The following FLNC variants were observed in gnomAD, a reference collection of about 807,000 sequenced individuals.
The protein encoded by FLNC is filamin C.
A neutral mutation model predicts 254.3 loss-of-function variants in FLNC; 91 were observed. That is an observed-to-expected ratio of 0.36 (90% CI 0.30 to 0.43). The LOEUF (loss-of-function observed/expected upper bound fraction) is 0.43. Ranked by LOEUF, FLNC falls within the 20% of genes least tolerant of loss-of-function variation. FLNC has a pLI of 1.00. For synonymous variants in FLNC, 1,430 were observed against 1,577.2 expected, an observed-to-expected ratio of 0.91 and a Z score of 2.21; for missense variants, 2,853 against 3,802.6, an observed-to-expected ratio of 0.75 and a Z score of 6.57.
chr7:128,857,024 G>A lies in FLNC; in HGVS notation c.7562-94G>A, dbSNP rs1809092740. On this transcript the variant is annotated intron_variant, in intron 45 of 47. Transcript: ENST00000325888. The surrounding 1 kb of genome is among the most constrained non-coding windows in gnomAD (Gnocchi z 4.5). ...GTAGGGGCCCTGCTTCCTAAGCCAG[G>A]AGTCCCCACAGAGGCTGTCCAGGGA... is the stretch of plus-strand genomic sequence containing the variant. The A allele has an allele frequency of 6.4e-7, 1 of 1,570,544 alleles. No individual in the cohort carries two copies. The highest frequency in any genetic ancestry group is 8.8e-7 in the Non-Finnish European group (1 of 1,142,856).
At chr7:128,846,664 C>A in intron 23 of FLNC, 81 bp from the exon 24 acceptor site, 1 of 1,470,022 alleles carries the variant, frequency 6.8e-7, no homozygotes, top group Non-Finnish European at 9.3e-7. Flanking sequence ...TGCCCTCTTT[C>A]CTCCCTGTCC....
rs1303451519 is a variant in FLNC at position 128,836,928 on chromosome 7, C to T, written c.602-232C>T. Reference sequence around the variant, plus strand: ...GGCCAGCAGGGCTGGTGCCAGGCTGCGTCAGCCAGGGCAGAAAGGCTTCAT... The same window carrying T: ...GGCCAGCAGGGCTGGTGCCAGGCTGTGTCAGCCAGGGCAGAAAGGCTTCAT... On this transcript the variant is annotated intron_variant, in intron 2 of 47. Transcript: ENST00000325888. The surrounding 1 kb of genome is among the most constrained non-coding windows in gnomAD (Gnocchi z 6.0). Among the ~76,000 whole-genome samples the T allele has an allele frequency of 2.0e-5, 3 of 152,280 alleles. No homozygotes were observed. Among genetic ancestry groups the T allele is most frequent in the East Asian group, 1.9e-4 (1 of 5,172 alleles).
Position 128,832,323 on chromosome 7 carries a change from G to C in FLNC, c.352+1334G>C, listed in dbSNP as rs537371027. On this transcript the variant is annotated intron_variant, in intron 1 of 47. Coordinates refer to ENST00000325888, the MANE Select transcript of FLNC (RefSeq NM_001458.5). ...AAGGACAAGGCTGAGGGCAGGGGGT[G>C]GGGGAGGGAGCCTGGAGTGTGTAGT... Among the ~76,000 whole-genome samples, 16 of 152,320 alleles carry C rather than the reference G, an allele frequency of 1.1e-4. No homozygotes were observed. The South Asian group carries it at 3.1e-3, about 30-fold the overall frequency.
chr7:128,840,915 G>A lies in FLNC; in HGVS notation c.1758G>A (p.Val586=), dbSNP rs1344721258. ...GTCCTGGTTTGGAGACTGGCCAGGTGGGCAAGTCAGCCGATTTTGTGGTGG... is the reference window on the plus strand; with the variant it reads ...GTCCTGGTTTGGAGACTGGCCAGGTAGGCAAGTCAGCCGATTTTGTGGTGG... ...AWGPGLETGQ[V]GKSADFVVEA... The change falls in exon 11 of 48, where the codon GTG becomes GTA. Residue 586 remains valine (V), a synonymous_variant. Coordinates refer to ENST00000325888, the MANE Select transcript of FLNC (RefSeq NM_001458.5). 7.4e-6 allele frequency: 12 copies of A among 1,611,784 alleles called. No homozygotes were observed. Among genetic ancestry groups the A allele is most frequent in the Non-Finnish European group, 1.0e-5 (12 of 1,179,056 alleles).
At position 128,854,924 on chromosome 7, in the gene FLNC, C is replaced by T. The variant is rs898922327; in HGVS notation, c.7135+12C>T. 3 of 1,613,624 alleles carry T rather than the reference C, an allele frequency of 1.9e-6. No individual in the cohort carries two copies. The highest frequency in any genetic ancestry group is 2.7e-5 in the African/African-American group (2 of 74,922). On this transcript the variant is annotated intron_variant, in intron 42 of 47. Transcript: ENST00000325888. The stretch of plus-strand genomic sequence containing the variant: ...CGTCCAGGAACCAGGTGGGCGTCCA[C>T]ACTGGCAGTGGGGCTGGGCCTGCCT...
At position 128,856,676 on chromosome 7, in the gene FLNC, T is replaced by C; in HGVS notation, c.7384+26T>C. On this transcript the variant is annotated intron_variant, in intron 44 of 47. Transcript: ENST00000325888. This position sits in a 1 kb window ranked among gnomAD's most constrained non-coding sequence, Gnocchi z 5.9. ...GTGAGCTGGCCCTGCCCCTGCCAACTCCCTTCCGGGCTGGGGCCTTCTGGG... is the reference window on the plus strand; with the variant it reads ...GTGAGCTGGCCCTGCCCCTGCCAACCCCCTTCCGGGCTGGGGCCTTCTGGG... 6.2e-7 allele frequency: 1 copy of C among 1,613,636 alleles called. No homozygotes were observed. The highest frequency in any genetic ancestry group is 2.2e-5 in the East Asian group (1 of 44,872).
intron 35 of FLNC, 143 bp from the exon 36 acceptor site, chr7:128,852,448 C>T (rs1296596449): frequency 9.9e-6 from 9 of 908,162 alleles, no homozygotes; most frequent in African/African-American, 3.3e-5. Flanking sequence ...CTGCACTTTC[C>T]AGGCCTTGGG....
At position 128,830,938 on chromosome 7, in the gene FLNC, T is replaced by A; in HGVS notation, c.301T>A (p.Ser101Thr). ...CCGCCAAATGAAGCTGGAGAACGTGTCCGTGGCCCTCGAGTTCCTCGAGCG... is the reference window on the plus strand; with the variant it reads ...CCGCCAAATGAAGCTGGAGAACGTGACCGTGGCCCTCGAGTTCCTCGAGCG... ...NFRQMKLENVSVALEFLEREH... is the reference protein window; with the variant it reads ...NFRQMKLENVTVALEFLEREH... The change falls in exon 1 of 48, where the codon TCC becomes ACC. Residue 101 changes from serine (S) to threonine (T), a missense_variant. By Grantham distance (58) the Ser-to-Thr change is moderately conservative. Transcript: ENST00000325888. 6.2e-7 allele frequency: 1 copy of A among 1,612,238 alleles called. No homozygotes were observed. The highest frequency in any genetic ancestry group is 8.5e-7 in the Non-Finnish European group (1 of 1,179,952).
chr7:128,842,756 G>A lies in FLNC; in HGVS notation c.2390-38G>A. The A allele has an allele frequency of 6.2e-7, 1 of 1,608,808 alleles. No homozygotes were observed. Among genetic ancestry groups the A allele is most frequent in the Non-Finnish European group, 8.5e-7 (1 of 1,178,090 alleles). On this transcript the variant is annotated intron_variant, in intron 15 of 47. Transcript: ENST00000325888. The surrounding 1 kb of genome is among the most constrained non-coding windows in gnomAD (Gnocchi z 5.4). ...GGGGCGGGGGTGAGTCGAGTCGGGG[G>A]CTGAGCCCAACTCACAGCAGTGCCC...
At position 128,854,239 on chromosome 7, in the gene FLNC, GCCGGGT is replaced by G. The variant is rs772324330; in HGVS notation, c.6727+26_6727+31del. 4.4e-5 allele frequency: 71 copies of G among 1,604,988 alleles called. 1 individual carries two copies. The South Asian group carries it at 7.7e-4, about 17-fold the overall frequency. Reference sequence around the variant, plus strand: ...AGGGTGAGCACCGCACACTGGGCCGGCCGGGTCCTCACGGCGGGATGGGAGGGTGCT... The same window carrying G: ...AGGGTGAGCACCGCACACTGGGCCGGCCTCACGGCGGGATGGGAGGGTGCT... On this transcript the variant is annotated intron_variant, in intron 40 of 47. Coordinates refer to ENST00000325888, the MANE Select transcript of FLNC (RefSeq NM_001458.5).
chr7:128,837,814 G>C, intron 5 of FLNC, 59 bp downstream of exon 5: 1 of 1,484,376 alleles, frequency 6.7e-7, no homozygotes, highest in Non-Finnish European at 9.2e-7. Flanking sequence ...AGAGAGCGTG[G>C]GGCCAACAAC....
At position 128,848,912 on chromosome 7, in the gene FLNC, T is replaced by C. The variant is rs1169437113; in HGVS notation, c.4857T>C (p.Asp1619=). The change falls in exon 28 of 48, where the codon GAT becomes GAC. Residue 1619 remains aspartate (D), a synonymous_variant. Transcript: ENST00000325888. ...CCATCACCATCAAGTATGGCGGTGA[T>C]GAGATCCCCTACTCGCCCTTCCGCA... is the stretch of plus-strand genomic sequence containing the variant. ...RYTITIKYGG[D]EIPYSPFRIH... is the part of the protein sequence containing the mutation. 2.5e-6 allele frequency: 4 copies of C among 1,590,278 alleles called. No individual in the cohort carries two copies. The East Asian group carries it at 8.9e-5, about 36-fold the overall frequency.
chr7:128,842,863 A>T lies in FLNC; in HGVS notation c.2459A>T (p.Asp820Val), dbSNP rs886044638. Residue 820 changes from aspartate (D) to valine (V), a missense_variant, in exon 16 of 48, where the codon GAC becomes GTC. Asp to Val is a radical substitution (Grantham distance 152, BLOSUM62 -3). Coordinates refer to ENST00000325888, the MANE Select transcript of FLNC (RefSeq NM_001458.5). This position sits in a 1 kb window ranked among gnomAD's most constrained non-coding sequence, Gnocchi z 5.4. The part of the protein sequence containing the change: ...VGPAEADIDF[D>V]IIKNDNDTFT... ...CCTGCAGAGGCTGACATTGACTTCG[A>T]CATCATCAAGAATGACAACGACACC... 11 of 1,614,010 alleles carry T rather than the reference A, an allele frequency of 6.8e-6. No homozygotes were observed. Among genetic ancestry groups the T allele is most frequent in the Middle Eastern group, 1.6e-4 (1 of 6,062 alleles).
At chr7:128,843,601 A>G (rs1562995916) in intron 18 of FLNC, 24 bp downstream of exon 18, 2 of 1,613,058 alleles carry the variant, frequency 1.2e-6, no homozygotes, top group Admixed American at 3.3e-5. Context: ...CTCCCATGCT[A>G]CCGCCCGGCC....
chr7:128,848,072 A>G lies in FLNC; in HGVS notation c.4580+4A>G. The G allele has an allele frequency of 6.2e-7, 1 of 1,601,500 alleles. No homozygotes were observed. On this transcript the variant is annotated splice_donor_region_variant and intron_variant, in intron 26 of 47. Coordinates refer to ENST00000325888, the MANE Select transcript of FLNC (RefSeq NM_001458.5). ...CTGACCAGGAGGTGCCACGCAGGTG[A>G]GGACCAGCCCTGGGCTCCTGTGCTG...
At chr7:128,845,358 G>T in intron 21 of FLNC, 103 bp downstream of exon 21, 1 of 943,464 alleles carries the variant, frequency 1.1e-6, no homozygotes. Flanking sequence ...AGAGCAACCT[G>T]GGGTGAAGGG....
chr7:128,837,786 TC>T (rs1169437963), intron 5 of FLNC, 31 bp downstream of exon 5: 5 of 1,540,074 alleles, frequency 3.2e-6, no homozygotes, highest in Non-Finnish European at 3.5e-6. Flanking sequence ...ACAGAGGGAT[TC>T]ACTTGGGATT....
In FLNC at chr7:128,841,748, C is replaced by T. The variant is rs79991372; in HGVS notation, c.2121+181C>T. On this transcript the variant is annotated intron_variant, in intron 13 of 47. Coordinates refer to ENST00000325888, the MANE Select transcript of FLNC (RefSeq NM_001458.5). This position sits in a 1 kb window ranked among gnomAD's most constrained non-coding sequence, Gnocchi z 4.3. ...AATTTTAAATTTTGTGTTTTCTTAA[C>T]GATGATAACCTAAAAACGTATTTTA... Among the ~76,000 whole-genome samples, 3,250 of 152,278 alleles carry T rather than the reference C, an allele frequency of 0.021. 78 individuals are homozygous for T. The highest frequency in any genetic ancestry group is 0.029 in the Non-Finnish European group (1,990 of 68,014).
At chr7:128,849,145 AGCACC>A in intron 28 of FLNC, 31 bp from the exon 29 acceptor site, 2 of 1,534,334 alleles carry the variant, frequency 1.3e-6, no homozygotes, top group East Asian at 4.7e-5. Context: ...GCCCACGTTG[AGCACC>A]GCCTGGCCTC....
Sources: gnomAD v4.1 joint callset for allele counts (sites outside exome capture counted in the v4.1 genomes callset) on GRCh38, gnomAD v4.1.1 for gene constraint, Gnocchi (gnomAD v3.1) non-coding constraint, MANE v1.5 for transcripts, NCBI Gene and HGNC (gene_info 2026-07-23, HGNC 2026-07-21) for gene names.